VPS13B: variants seen among roughly 807,000 people sequenced by gnomAD.
VPS13B encodes intermembrane lipid transfer protein VPS13B.
Under a neutral mutation model 426.4 loss-of-function variants are expected in VPS13B, and 285 were observed. That is an observed-to-expected ratio of 0.67 (90% CI 0.61 to 0.74). The LOEUF is 0.74. Among genes scored for constraint, VPS13B ranks in the 30% least tolerant of loss-of-function variants. The pLI is 0.00. For synonymous variants in VPS13B, 1,676 were observed against 1,676.4 expected (o/e 1.00, Z 0.01); for missense variants, 4,537 against 4,782.6 (o/e 0.95, Z 1.51).
At chr8:99,499,492 T>C (rs1821111824) in intron 25 of VPS13B, among the ~76,000 whole-genome samples, 1 of 152,158 alleles carries the variant, frequency 6.6e-6, no homozygotes, top group Admixed American at 6.5e-5. Flanking sequence ...GAGGGTTTAA[T>C]TTAAGCATAC....
intron 16 of VPS13B, among the ~76,000 whole-genome samples, chr8:99,178,438 T>G (rs1588116762): frequency 6.6e-6 from 1 of 152,058 alleles, no homozygotes; most frequent in Admixed American, 6.5e-5. Context: ...CATTTTGTAC[T>G]TAACTAAGTT....
intron 17 of VPS13B, among the ~76,000 whole-genome samples, chr8:99,203,266 G>C (rs550277722): frequency 1.3e-5 from 2 of 151,980 alleles, no homozygotes; most frequent in Non-Finnish European, 2.9e-5. Context: ...CAAAAACCAC[G>C]TGATTATCTC....
intron 43 of VPS13B, among the ~76,000 whole-genome samples, chr8:99,806,746 A>G (rs1813421923): frequency 6.6e-6 from 1 of 152,198 alleles, no homozygotes; most frequent in Non-Finnish European, 1.5e-5. Context: ...GTATGCAAGT[A>G]TTTGTTACTA....
chr8:99,633,521 A>G (rs941610474), intron 33 of VPS13B, among the ~76,000 whole-genome samples: 1 of 152,034 alleles, frequency 6.6e-6, no homozygotes, highest in Non-Finnish European at 1.5e-5. Flanking sequence ...GTCAAATTCT[A>G]TGAAAAACAG....
intron 3 of VPS13B, among the ~76,000 whole-genome samples, chr8:99,057,182 A>G (rs969678191): frequency 6.6e-6 from 1 of 152,008 alleles, no homozygotes; most frequent in African/African-American, 2.4e-5. Flanking sequence ...TCACCCACAA[A>G]AAGTATTTTT....
At chr8:99,694,997 G>C (rs1831892007) in intron 35 of VPS13B, among the ~76,000 whole-genome samples, 1 of 149,554 alleles carries the variant, frequency 6.7e-6, no homozygotes, top group Admixed American at 6.7e-5. Context: ...ACCACTATGA[G>C]ATATCATCTC....
chr8:99,134,327 C>T (rs1308688562), intron 8 of VPS13B, among the ~76,000 whole-genome samples: 2 of 152,084 alleles, frequency 1.3e-5, no homozygotes, highest in Admixed American at 1.3e-4. Flanking sequence ...AAATTTTTGG[C>T]AGAATACATA....
At chr8:99,082,027 G>A (rs1333792370) in intron 3 of VPS13B, among the ~76,000 whole-genome samples, 2 of 152,130 alleles carry the variant, frequency 1.3e-5, no homozygotes, top group Non-Finnish European at 2.9e-5. Context: ...GATCCCTGAG[G>A]AATCGCCACA....
At chr8:99,383,808 A>G (rs1174550087) in intron 19 of VPS13B, among the ~76,000 whole-genome samples, 1 of 152,132 alleles carries the variant, frequency 6.6e-6, no homozygotes, top group Non-Finnish European at 1.5e-5. Context: ...ATTTCTTTTT[A>G]TGGATAAATA....
chr8:99,871,294 G>C, intron 60 of VPS13B, 154 bp from the exon 61 acceptor site: 1 of 1,176,314 alleles, frequency 8.5e-7, no homozygotes, highest in Non-Finnish European at 1.2e-6. Flanking sequence ...ATCAGTCTGA[G>C]AACTGACAAT....
chr8:99,625,762 C>T lies in VPS13B; in HGVS notation c.5221-16049C>T, dbSNP rs532118322. Among the ~76,000 whole-genome samples, 9 of 152,258 alleles carry T rather than the reference C, an allele frequency of 5.9e-5. No homozygotes were observed. In the South Asian group the frequency reaches 1.9e-3, roughly 32 times the overall value. ...CTGGGAGGCTGAGGTGGGAGGATCA[C>T]CTGAGCCCAGGAAGCCGAGGCTGCA... On this transcript the variant is annotated intron_variant, in intron 33 of 61. Transcript: ENST00000357162.
chr8:99,181,507 TG>T (rs1812945488), intron 16 of VPS13B, among the ~76,000 whole-genome samples: 1 of 152,202 alleles, frequency 6.6e-6, no homozygotes, highest in South Asian at 2.1e-4. Context: ...TCTTTGTGTC[TG>T]AGTTTCCTCA....
At position 99,696,692 on chromosome 8, in the gene VPS13B, C is replaced by A. The variant is rs942018283; in HGVS notation, c.6047-2833C>A. On this transcript the variant is annotated intron_variant, in intron 35 of 61. Coordinates refer to ENST00000357162, the MANE Select transcript of VPS13B (RefSeq NM_152564.5). ...AGAGGACCTTGAAGAACATAGCAGC[C>A]AAGGGCAGTGCCACCAGACTTCTCC... 8.9e-6 allele frequency: 7 copies of A among 790,782 alleles called. 1 individual carries two copies. In the African/African-American group the frequency reaches 1.2e-4, roughly 13 times the overall value. The allele number at this position is 790,782 out of a possible 1,614,324, so 49.0% of individuals were successfully genotyped here.
chr8:99,569,497 C>T (rs1825370546), intron 31 of VPS13B, among the ~76,000 whole-genome samples: 1 of 151,698 alleles, frequency 6.6e-6, no homozygotes, highest in Non-Finnish European at 1.5e-5. Flanking sequence ...GACCATCTAG[C>T]ATTTCTTATT....
intron 40 of VPS13B, among the ~76,000 whole-genome samples, chr8:99,767,356 G>A (rs1811277276): frequency 6.6e-6 from 1 of 151,488 alleles, no homozygotes; most frequent in Admixed American, 6.6e-5. Flanking sequence ...TGATTATCCT[G>A]GGGCATTAAA....
At position 99,457,009 on chromosome 8, in the gene VPS13B, G is replaced by T. The variant is rs116018003; in HGVS notation, c.3446-10405G>T. On this transcript the variant is annotated intron_variant, in intron 23 of 61. Transcript: ENST00000357162. ...ACAGATTTTCTTCCTTCTTTAGTCA[G>T]TTATGGTAAGTTGTATCTTTCTTTT... Among the ~76,000 whole-genome samples the T allele has an allele frequency of 6.1e-4, 92 of 151,054 alleles. 2 individuals are homozygous for T. The highest frequency in any genetic ancestry group is 1.9e-3 in the African/African-American group (79 of 41,224).
At chr8:99,783,348 T>C (rs567223129) in intron 42 of VPS13B, among the ~76,000 whole-genome samples, 1 of 152,324 alleles carries the variant, frequency 6.6e-6, no homozygotes, top group South Asian at 2.1e-4. Flanking sequence ...TTACATGTTA[T>C]CTCCCATTAT....
At chr8:99,276,399 C>T (rs1818896507) in intron 19 of VPS13B, among the ~76,000 whole-genome samples, 1 of 152,044 alleles carries the variant, frequency 6.6e-6, no homozygotes, top group Non-Finnish European at 1.5e-5. Context: ...AGGATGGCTC[C>T]AGATCCAAAG....
intron 3 of VPS13B, among the ~76,000 whole-genome samples, chr8:99,081,777 CA>C (rs1845476768): frequency 6.6e-6 from 1 of 152,046 alleles, no homozygotes; most frequent in Non-Finnish European, 1.5e-5. Flanking sequence ...CATGTCCCTA[CA>C]AAGGACATTA....
Sources: gnomAD v4.1 joint callset for allele counts (sites outside exome capture counted in the v4.1 genomes callset) on GRCh38, gnomAD v4.1.1 for gene constraint, MANE v1.5 for transcripts, NCBI Gene and HGNC (gene_info 2026-07-23, HGNC 2026-07-21) for gene names.